Variants in AHCTF1 observed in about 807,000 individuals in gnomAD.
AHCTF1 encodes the protein protein ELYS.
AHCTF1 carries 24 observed loss-of-function variants against 248.4 expected under a neutral mutation model. The observed-to-expected ratio is 0.10, with a 90% CI of 0.07 to 0.14. The LOEUF is 0.14. Ranked by LOEUF, AHCTF1 falls within the 10% of genes least tolerant of loss-of-function variation. The probability of loss-of-function intolerance (pLI) is 1.00; values close to 1 mark genes in which losing one functional copy is unlikely to be tolerated. For missense variants in AHCTF1, 2,206 were observed against 2,636.2 expected (o/e 0.84, Z 3.57); for synonymous variants, 786 against 929.8 (o/e 0.85, Z 2.81).
chr1:246,843,100 T>C (rs1326337224), intron 34 of AHCTF1, among the ~76,000 whole-genome samples: 1 of 152,208 alleles, frequency 6.6e-6, no homozygotes, highest in Non-Finnish European at 1.5e-5. Flanking sequence ...CCAGAGACTA[T>C]TGTTTCCTAC....
At chr1:246,922,717 T>A (rs1442024968) in intron 1 of AHCTF1, among the ~76,000 whole-genome samples, 1 of 149,304 alleles carries the variant, frequency 6.7e-6, no homozygotes, top group Non-Finnish European at 1.5e-5. Context: ...GCGCAGTGGC[T>A]CACGCCTGTA....
chr1:246,902,817 G>T, intron 7 of AHCTF1, 142 bp from the exon 8 acceptor site: 2 of 764,318 alleles, frequency 2.6e-6, no homozygotes, highest in Non-Finnish European at 3.8e-6. Flanking sequence ...ATGGAAAAAG[G>T]CTCTAAAATT....
chr1:246,876,281 CA>C (rs1249107408), intron 23 of AHCTF1, 94 bp from the exon 24 acceptor site: 4 of 1,131,942 alleles, frequency 3.5e-6, no homozygotes, highest in Non-Finnish European at 3.5e-6. Context: ...TATGAATATC[CA>C]AAAAATCTTC....
chr1:246,923,175 G>A (rs538692617), intron 1 of AHCTF1, among the ~76,000 whole-genome samples: 2 of 151,174 alleles, frequency 1.3e-5, no homozygotes, highest in East Asian at 3.9e-4. Flanking sequence ...AGCACTTTGG[G>A]AGGCCGAGGT....
rs779406638 is a variant in AHCTF1, at chr1:246,864,048, G to A, written c.3416C>T (p.Ser1139Phe). The change falls in exon 27 of 36, where the codon TCC becomes TTC. Residue 1139 changes from serine (S) to phenylalanine (F), a missense_variant. Ser to Phe is a radical substitution (Grantham distance 155). Around this residue, in one of 6 missense-constraint regions of AHCTF1, gnomAD observed 955 missense variants for 1,055.6 expected, o/e 0.90. Coordinates refer to ENST00000648844, the MANE Select transcript of AHCTF1 (RefSeq NM_001323342.2). Reference protein sequence around the residue: ...SQCSEFIQQSSMKSPLYLVSR... With the variant: ...SQCSEFIQQSFMKSPLYLVSR... ...TACTAGGTACAAAGGAGATTTCATG[G>A]AGCTTTGCTGAATAAACTCCGAACA... is the stretch of plus-strand genomic sequence containing the variant. 3 of 1,614,198 alleles carry A rather than the reference G, an allele frequency of 1.9e-6. No homozygotes were observed. The highest frequency in any genetic ancestry group is 2.2e-5 in the South Asian group (2 of 91,086).
At chr1:246,895,648 A>AGTTT (rs2103153329) in intron 13 of AHCTF1, among the ~76,000 whole-genome samples, 187 bp downstream of exon 13, 1 of 152,274 alleles carries the variant, frequency 6.6e-6, no homozygotes, top group East Asian at 1.9e-4. Context: ...ACTGTACTAA[A>AGTTT]GGTTTGTCAG....
In AHCTF1 at chr1:246,931,918, G is replaced by C. The variant is rs918820496; in HGVS notation, c.-348C>G. On this transcript the variant is annotated 5_prime_UTR_variant, in exon 1 of 36. Transcript: ENST00000648844. ...GCTCGCCTCGGACAGCGCCGGCCCC[G>C]CTCTGCGCATTACCCTGCGCCGACA... The C allele has an allele frequency of 6.6e-6, 1 of 152,638 alleles. No individual in the cohort carries two copies. The highest frequency in any genetic ancestry group is 2.4e-5 in the African/African-American group (1 of 41,456). The allele number at this position is 152,638 out of a possible 1,614,324, so 9.5% of individuals were successfully genotyped here.
intron 14 of AHCTF1, 136 bp downstream of exon 14, chr1:246,894,523 C>T: frequency 2.8e-6 from 2 of 712,376 alleles, no homozygotes. Flanking sequence ...AGCCTGGCGA[C>T]AGAGCAAGAC....
chr1:246,910,346 A>G (rs1371344713), intron 4 of AHCTF1, among the ~76,000 whole-genome samples: 5 of 152,258 alleles, frequency 3.3e-5, no homozygotes, highest in African/African-American at 1.2e-4. Flanking sequence ...ATTCCAATCC[A>G]AACAATCCAA....
rs778902082 is a variant in AHCTF1 at position 246,888,487 on chromosome 1, A to G, written c.2175T>C (p.Ile725=). 6.2e-7 allele frequency: 1 copy of G among 1,613,916 alleles called. No individual in the cohort carries two copies. Among genetic ancestry groups the G allele is most frequent in the Non-Finnish European group, 8.5e-7 (1 of 1,179,988 alleles). Residue 725 remains isoleucine, a synonymous_variant, in exon 18 of 36, where the codon ATT becomes ATC. Transcript: ENST00000648844. ...RGKWNPDCLM[I]DGLVSQLGER... The stretch of plus-strand genomic sequence containing the variant: ...CTCCTAACTGAGAAACCAGTCCATC[A>G]ATCATCAAGCAATCGGGATTCCACT...
intron 31 of AHCTF1, among the ~76,000 whole-genome samples, chr1:246,855,144 T>A (rs1272144921): frequency 6.6e-6 from 1 of 152,206 alleles, no homozygotes; most frequent in East Asian, 1.9e-4. Context: ...AGTATAGTGC[T>A]GTGAGGATTA....
intron 24 of AHCTF1, 91 bp from the exon 25 acceptor site, chr1:246,867,902 CACA>C (rs139104475): frequency 0.015 from 3,998 of 258,610 alleles, 122 homozygotes; most frequent in African/African-American, 0.092. Flanking sequence ...CCCCCCCCCC[CACA>C]CACACACACA....
chr1:246,896,622 T>C (rs2103156698), intron 12 of AHCTF1, among the ~76,000 whole-genome samples: 1 of 152,264 alleles, frequency 6.6e-6, no homozygotes, highest in South Asian at 2.1e-4. Context: ...TTAGAAGTAA[T>C]AAAAATGTCC....
intron 21 of AHCTF1, among the ~76,000 whole-genome samples, chr1:246,883,950 A>C (rs1663634550): frequency 6.6e-6 from 1 of 152,244 alleles, no homozygotes; most frequent in South Asian, 2.1e-4. Flanking sequence ...CAAAAGGAGG[A>C]AAAAAACCTT....
intron 29 of AHCTF1, 41 bp from the exon 30 acceptor site, chr1:246,857,855 T>C: frequency 6.5e-7 from 1 of 1,545,754 alleles, no homozygotes; most frequent in Non-Finnish European, 8.9e-7. Flanking sequence ...ATGCTAAATA[T>C]TTAGTGATTA....
intron 24 of AHCTF1, among the ~76,000 whole-genome samples, chr1:246,869,550 T>G (rs1010034415): frequency 6.6e-6 from 1 of 152,114 alleles, no homozygotes; most frequent in Non-Finnish European, 1.5e-5. Context: ...GCTGATGACT[T>G]TAAATTAAAG....
chr1:246,926,991 G>T (rs1416817246), intron 1 of AHCTF1, among the ~76,000 whole-genome samples: 1 of 151,624 alleles, frequency 6.6e-6, no homozygotes, highest in Non-Finnish European at 1.5e-5. Flanking sequence ...TGGCTAACAA[G>T]GTGAAATCCC....
chr1:246,845,410 A>C (rs1432144087), intron 33 of AHCTF1, among the ~76,000 whole-genome samples: 1 of 152,220 alleles, frequency 6.6e-6, no homozygotes, highest in Non-Finnish European at 1.5e-5. Context: ...AGAAATATAT[A>C]ATCTCTGCTC....
chr1:246,868,947 C>T (rs535405377), intron 24 of AHCTF1, among the ~76,000 whole-genome samples: 10 of 150,640 alleles, frequency 6.6e-5, no homozygotes, highest in East Asian at 3.9e-4. Context: ...CGGGTTCACG[C>T]CATTCTCCTG....
Sources: allele counts gnomAD v4.1 joint callset (sites outside exome capture counted in the v4.1 genomes callset), GRCh38; gene constraint gnomAD v4.1.1; regional missense constraint gnomAD v4.1.1; transcripts MANE v1.5; gene names NCBI Gene and HGNC (gene_info 2026-07-23, HGNC 2026-07-21).